Variants in CNGB3 observed in about 807,000 individuals in gnomAD.
CNGB3 encodes cyclic nucleotide-gated channel beta-3.
Under a neutral mutation model 92.8 loss-of-function variants are expected in CNGB3, and 86 were observed. The ratio of observed to expected loss-of-function variants is 0.93; its 90% CI spans 0.78 to 1.11. The LOEUF is 1.11. Ranked by LOEUF, CNGB3 falls within the 50% of genes least tolerant of loss-of-function variation. CNGB3 has a pLI of 0.00. For synonymous variants in CNGB3, 333 were observed against 332.7 expected (o/e 1.00, Z -0.01); for missense variants, 1,026 against 956.8 (o/e 1.07, Z -0.95).
In CNGB3 at chr8:86,586,028, T is replaced by A. The variant is rs143463626; in HGVS notation, c.1782-6776A>T. ...TCAGAGAGGCTTTGATAAGTACTTT[T>A]TTGGATGCATCCAAGATTGTACAGA... On this transcript the variant is annotated intron_variant, in intron 15 of 17. Transcript: ENST00000320005. Among the ~76,000 whole-genome samples the A allele has an allele frequency of 4.5e-3, 685 of 152,322 alleles. 9 individuals carry two copies. The highest frequency in any genetic ancestry group is 0.016 in the African/African-American group (655 of 41,570).
At chr8:86,735,620 C>T (rs1362867997) in intron 2 of CNGB3, among the ~76,000 whole-genome samples, 4 of 152,206 alleles carry the variant, frequency 2.6e-5, no homozygotes, top group South Asian at 4.1e-4. Context: ...CTTCCTCCAC[C>T]TCCAGAGAGC....
intron 3 of CNGB3, among the ~76,000 whole-genome samples, chr8:86,695,389 G>A (rs1586022335): frequency 6.6e-6 from 1 of 151,996 alleles, no homozygotes; most frequent in Admixed American, 6.5e-5. Flanking sequence ...GTCAGATCAG[G>A]TTAATTCGAA....
At chr8:86,640,442 T>C (rs185502873) in intron 10 of CNGB3, among the ~76,000 whole-genome samples, 1 of 152,032 alleles carries the variant, frequency 6.6e-6, no homozygotes, top group Non-Finnish European at 1.5e-5. Context: ...GAAAGAGAGA[T>C]AGCTAAATCC....
chr8:86,670,797 G>T, intron 4 of CNGB3, 147 bp downstream of exon 4: 1 of 899,246 alleles, frequency 1.1e-6, no homozygotes, highest in Non-Finnish European at 1.8e-6. Context: ...CTCACCACTC[G>T]TACCTTCCTG....
intron 15 of CNGB3, among the ~76,000 whole-genome samples, chr8:86,586,470 A>G (rs983553222): frequency 4.1e-4 from 58 of 142,812 alleles, no homozygotes; most frequent in African/African-American, 1.0e-3. Context: ...ATATCTCCCA[A>G]TGCTATCCCT....
At chr8:86,597,854 T>C (rs971720272) in intron 15 of CNGB3, among the ~76,000 whole-genome samples, 1 of 152,052 alleles carries the variant, frequency 6.6e-6, no homozygotes, top group Non-Finnish European at 1.5e-5. Context: ...TGGCGAAACC[T>C]GTAATCCCAG....
At chr8:86,647,232 T>A (rs1823306160) in intron 8 of CNGB3, among the ~76,000 whole-genome samples, 1 of 150,892 alleles carries the variant, frequency 6.6e-6, no homozygotes, top group Non-Finnish European at 1.5e-5. Flanking sequence ...ATAAATATAT[T>A]TTGGTATATT....
At chr8:86,708,695 G>A (rs1422555806) in intron 3 of CNGB3, among the ~76,000 whole-genome samples, 1 of 150,664 alleles carries the variant, frequency 6.6e-6, no homozygotes, top group Non-Finnish European at 1.5e-5. Flanking sequence ...AGACCTCCTA[G>A]TAGTTGGGAC....
chr8:86,634,601 G>A (rs148281827), intron 10 of CNGB3, among the ~76,000 whole-genome samples: 33 of 152,034 alleles, frequency 2.2e-4, no homozygotes, highest in Admixed American at 5.9e-4. Flanking sequence ...TATAAAGAAC[G>A]TCTCCAGGTT....
intron 15 of CNGB3, among the ~76,000 whole-genome samples, chr8:86,583,921 C>CA (rs71574285): frequency 0.063 from 3,824 of 60,800 alleles, 513 homozygotes; most frequent in African/African-American, 0.22. Context: ...GACCTTGTCT[C>CA]AAAAAAAAAA....
intron 8 of CNGB3, among the ~76,000 whole-genome samples, chr8:86,647,193 G>A (rs1304768014): frequency 6.6e-6 from 1 of 150,746 alleles, no homozygotes; most frequent in Non-Finnish European, 1.5e-5. Flanking sequence ...TTGTTTTAAA[G>A]CTACAAAATG....
chr8:86,656,022 C>T (rs1435193448), intron 6 of CNGB3, among the ~76,000 whole-genome samples: 2 of 152,186 alleles, frequency 1.3e-5, no homozygotes, highest in Admixed American at 6.5e-5. Context: ...TCCCTAGTTA[C>T]TCCCCACACT....
intron 10 of CNGB3, among the ~76,000 whole-genome samples, chr8:86,634,110 T>C (rs371604616): frequency 6.6e-6 from 1 of 152,292 alleles, no homozygotes; most frequent in Non-Finnish European, 1.5e-5. Flanking sequence ...GTAAAGAACA[T>C]ATAACATTTA....
intron 3 of CNGB3, among the ~76,000 whole-genome samples, chr8:86,717,686 T>C (rs1272014031): frequency 6.6e-6 from 1 of 151,968 alleles, no homozygotes; most frequent in African/African-American, 2.4e-5. Context: ...AATGGACTTA[T>C]CTACCCAACA....
At chr8:86,662,767 C>A (rs778800412) in intron 6 of CNGB3, among the ~76,000 whole-genome samples, 4 of 152,108 alleles carry the variant, frequency 2.6e-5, no homozygotes, top group Non-Finnish European at 5.9e-5. Flanking sequence ...GTGGAGGATC[C>A]CTGTTTCCCC....
chr8:86,638,684 T>C (rs1417992706), intron 10 of CNGB3, among the ~76,000 whole-genome samples: 1 of 152,098 alleles, frequency 6.6e-6, no homozygotes. Flanking sequence ...AATGGATGAG[T>C]GAATGCATAC....
intron 3 of CNGB3, among the ~76,000 whole-genome samples, chr8:86,718,684 C>G (rs1824910199): frequency 6.6e-6 from 1 of 152,120 alleles, no homozygotes; most frequent in South Asian, 2.1e-4. Context: ...CAATAACACT[C>G]TACCACCCAA....
At position 86,643,884 on chromosome 8, in the gene CNGB3, G is replaced by T; in HGVS notation, c.1056-11C>A. The T allele has an allele frequency of 1.2e-6, 2 of 1,602,788 alleles. No individual in the cohort carries two copies. Among genetic ancestry groups the T allele is most frequent in the South Asian group, 2.2e-5 (2 of 90,744 alleles). On this transcript the variant is annotated splice_polypyrimidine_tract_variant and intron_variant, in intron 9 of 17. Coordinates refer to ENST00000320005, the MANE Select transcript of CNGB3 (RefSeq NM_019098.5). ...GTTGTTCGAATAACTCTGTCAGAGA[G>T]AATAGATGCAAAGTAAGATTCATGT...
intron 14 of CNGB3, among the ~76,000 whole-genome samples, chr8:86,605,478 C>T (rs1476472459): frequency 2.6e-5 from 4 of 152,158 alleles, no homozygotes; most frequent in African/African-American, 9.7e-5. Flanking sequence ...AGCATTAATA[C>T]AATAAATTCA....
Sources: gnomAD v4.1 joint callset for allele counts (sites outside exome capture counted in the v4.1 genomes callset) on GRCh38, gnomAD v4.1.1 for gene constraint, MANE v1.5 for transcripts, NCBI Gene and HGNC (gene_info 2026-07-23, HGNC 2026-07-21) for gene names.